The following PTPRK variants were observed in gnomAD, a reference collection of about 807,000 sequenced individuals.
PTPRK encodes the protein receptor-type tyrosine-protein phosphatase kappa.
Under a neutral mutation model 178.0 loss-of-function variants are expected in PTPRK, and 75 were observed. The observed-to-expected ratio is 0.42, with a 90% CI of 0.35 to 0.51. The LOEUF (loss-of-function observed/expected upper bound fraction) is 0.51, where lower values mean the gene tolerates loss of function less well. Ranked by LOEUF, PTPRK falls within the 20% of genes least tolerant of loss-of-function variation. PTPRK has a pLI of 0.02. For missense variants in PTPRK, 1,441 were observed against 1,797.8 expected (o/e 0.80, Z 3.59); for synonymous variants, 637 against 620.6 (o/e 1.03, Z -0.39).
intron 13 of PTPRK, among the ~76,000 whole-genome samples, chr6:128,010,835 C>T (rs903699695): frequency 1.3e-5 from 2 of 151,048 alleles, no homozygotes; most frequent in African/African-American, 4.8e-5. Flanking sequence ...AAGGCTTTGG[C>T]TGGTGTATTT....
At chr6:128,351,463 G>GA (rs992124144) in intron 2 of PTPRK, among the ~76,000 whole-genome samples, 4 of 152,134 alleles carry the variant, frequency 2.6e-5, no homozygotes, top group African/African-American at 7.2e-5. Context: ...CAAAAATAAA[G>GA]AAAAAATATC....
intron 3 of PTPRK, among the ~76,000 whole-genome samples, chr6:128,265,677 G>T (rs998649213): frequency 8.5e-5 from 13 of 152,218 alleles, no homozygotes; most frequent in Admixed American, 8.5e-4. Context: ...TCAAAATTTT[G>T]CCCTGAACTA....
chr6:128,491,709 TATCA>T, intron 1 of PTPRK: 1 of 491,104 alleles, frequency 2.0e-6, no homozygotes, highest in South Asian at 1.5e-5. Flanking sequence ...TACATTAATC[TATCA>T]TTTTTTTTCT....
intron 1 of PTPRK, among the ~76,000 whole-genome samples, chr6:128,458,738 A>C (rs1197996810): frequency 6.6e-6 from 1 of 152,214 alleles, no homozygotes; most frequent in Non-Finnish European, 1.5e-5. Flanking sequence ...GTCAATTAAA[A>C]TTCAATAAAA....
At chr6:128,354,874 A>G (rs1396690281) in intron 2 of PTPRK, among the ~76,000 whole-genome samples, 4 of 152,230 alleles carry the variant, frequency 2.6e-5, no homozygotes, top group East Asian at 3.9e-4. Context: ...ACATGCTTTC[A>G]GCCTCCAATG....
intron 13 of PTPRK, among the ~76,000 whole-genome samples, chr6:128,050,521 T>C (rs1778824272): frequency 6.6e-6 from 1 of 152,198 alleles, no homozygotes; most frequent in Non-Finnish European, 1.5e-5. Flanking sequence ...TGAACATAAC[T>C]CCCAGGATAT....
chr6:128,004,850 T>TC (rs1313900848), intron 15 of PTPRK: 71 of 446,438 alleles, frequency 1.6e-4, no homozygotes, highest in Non-Finnish European at 2.3e-4. Flanking sequence ...GTTTGGAATA[T>TC]CCCTTGTGAT....
At chr6:127,973,864 A>T (rs777460207) in intron 27 of PTPRK, 37 bp from the exon 28 acceptor site, 8 of 1,581,216 alleles carry the variant, frequency 5.1e-6, no homozygotes, top group Middle Eastern at 1.7e-4. Context: ...ATACGCTGGG[A>T]CTACAATTTT....
chr6:127,999,586 C>T (rs976887245), intron 15 of PTPRK, among the ~76,000 whole-genome samples: 7 of 152,152 alleles, frequency 4.6e-5, no homozygotes, highest in African/African-American at 1.2e-4. Flanking sequence ...AATCAGGGCG[C>T]GCTTCTGGAG....
chr6:128,140,880 A>G (rs1045739333), intron 7 of PTPRK, among the ~76,000 whole-genome samples: 3 of 152,018 alleles, frequency 2.0e-5, no homozygotes, highest in Admixed American at 6.6e-5. Flanking sequence ...TCATTATCCA[A>G]AGATGAAGGA....
intron 3 of PTPRK, among the ~76,000 whole-genome samples, chr6:128,297,515 A>G (rs1378486987): frequency 6.6e-6 from 1 of 152,202 alleles, no homozygotes; most frequent in Non-Finnish European, 1.5e-5. Flanking sequence ...CAGAAATTAT[A>G]ACAAACTGTC....
rs1814993128 is a variant in PTPRK at position 128,243,984 on chromosome 6, A to C, written c.496-1382T>G. 3.3e-5 allele frequency among the ~76,000 whole-genome samples: 5 copies of C among 152,314 alleles called. No homozygotes were observed. The South Asian group carries it at 1.0e-3, about 32-fold the overall frequency. ...TAGTGGGAATGGTGAGATGAGAAGA[A>C]AAAGGAAAGATAAAAATAATACTAA... On this transcript the variant is annotated intron_variant, in intron 3 of 29. Transcript: ENST00000368226.
At chr6:128,500,512 T>C (rs866189712) in intron 1 of PTPRK, 6 of 152,298 alleles carry the variant, frequency 3.9e-5, no homozygotes, top group Middle Eastern at 6.8e-3. Flanking sequence ...GTTAAAGTAT[T>C]ATAGGCATAA....
chr6:128,313,105 A>C (rs756756997), intron 3 of PTPRK, among the ~76,000 whole-genome samples: 6 of 152,118 alleles, frequency 3.9e-5, no homozygotes, highest in Non-Finnish European at 7.4e-5. Context: ...ACAGTCTGGC[A>C]CAGGAGACAG....
chr6:128,439,733 T>C (rs1846051319), intron 1 of PTPRK, among the ~76,000 whole-genome samples: 2 of 152,154 alleles, frequency 1.3e-5, no homozygotes, highest in African/African-American at 2.4e-5. Context: ...CAGTTGCAAA[T>C]AGATAGACTT....
chr6:128,313,969 T>C (rs958991418), intron 3 of PTPRK, among the ~76,000 whole-genome samples: 12 of 152,150 alleles, frequency 7.9e-5, no homozygotes, highest in African/African-American at 2.7e-4. Context: ...ATAACTGGAA[T>C]CTACCCATCT....
chr6:128,191,829 TC>T (rs1294807121), intron 6 of PTPRK, among the ~76,000 whole-genome samples: 2 of 152,164 alleles, frequency 1.3e-5, no homozygotes, highest in African/African-American at 4.8e-5. Context: ...TTACCACGTA[TC>T]CCTACCTAAA....
intron 1 of PTPRK, among the ~76,000 whole-genome samples, chr6:128,461,246 G>A (rs1352294891): frequency 6.6e-6 from 1 of 152,098 alleles, no homozygotes; most frequent in African/African-American, 2.4e-5. Flanking sequence ...GTGTGTGTGT[G>A]TGTGTGTGTG....
chr6:128,340,359 C>G (rs1831502841), intron 2 of PTPRK, among the ~76,000 whole-genome samples: 1 of 152,196 alleles, frequency 6.6e-6, no homozygotes, highest in African/African-American at 2.4e-5. Flanking sequence ...CTTTCAGACA[C>G]CAGTCTCAGT....
Sources: gnomAD v4.1 joint callset for allele counts (sites outside exome capture counted in the v4.1 genomes callset) on GRCh38, gnomAD v4.1.1 for gene constraint, MANE v1.5 for transcripts, NCBI Gene and HGNC (gene_info 2026-07-23, HGNC 2026-07-21) for gene names.